Variants in HMGXB4 observed in about 807,000 individuals in gnomAD.
The protein encoded by HMGXB4 is HMG-box containing 4.
HMGXB4 carries 27 observed loss-of-function variants against 63.9 expected under a neutral mutation model. That is an observed-to-expected ratio of 0.42 (90% CI 0.31 to 0.58). HMGXB4 has a LOEUF of 0.58. Ranked by LOEUF, HMGXB4 falls within the 20% of genes least tolerant of loss-of-function variation. The probability of loss-of-function intolerance (pLI) is 0.13; values close to 1 mark genes in which losing one functional copy is unlikely to be tolerated. For missense variants in HMGXB4, 624 were observed against 700.7 expected, an observed-to-expected ratio of 0.89 and a Z score of 1.24; for synonymous variants, 264 against 265.3, an observed-to-expected ratio of 0.99 and a Z score of 0.05.
At chr22:35,256,346 T>A (rs1015779411), upstream of HMGXB4, among the ~76,000 whole-genome samples, 2 of 152,152 alleles carry the variant, frequency 1.3e-5, no homozygotes, top group African/African-American at 4.8e-5. Context: ...TGCATGGGGT[T>A]CACAACTCTA....
chr22:35,252,908 C>T (rs950434005), upstream of HMGXB4, among the ~76,000 whole-genome samples: 5 of 151,862 alleles, frequency 3.3e-5, no homozygotes, highest in Admixed American at 6.6e-5. Flanking sequence ...CTGAGGCAGG[C>T]GGATCACCTG....
chr22:35,292,962 A>G, intron 9 of HMGXB4, 30 bp from the exon 10 acceptor site: 1 of 1,614,086 alleles, frequency 6.2e-7, no homozygotes. Context: ...CAGGAGTGTG[A>G]CTCAAGCAAC....
intron 9 of HMGXB4, among the ~76,000 whole-genome samples, chr22:35,289,436 G>C (rs1485369264): frequency 6.6e-6 from 1 of 152,072 alleles, no homozygotes; most frequent in Non-Finnish European, 1.5e-5. Context: ...CTCCAGCCTG[G>C]GTGACAGAGC....
intron 5 of HMGXB4, among the ~76,000 whole-genome samples, chr22:35,282,822 G>T (rs1258059297): frequency 1.3e-5 from 2 of 152,118 alleles, no homozygotes; most frequent in Non-Finnish European, 2.9e-5. Context: ...TGAGAAATTT[G>T]GATAGATGAA....
intron 5 of HMGXB4, among the ~76,000 whole-genome samples, chr22:35,281,060 A>G (rs1415864941): frequency 1.3e-5 from 2 of 152,214 alleles, no homozygotes; most frequent in East Asian, 3.8e-4. Context: ...TACTCAGTAA[A>G]TATTATTAAT....
chr22:35,290,813 C>T (rs1924891825), intron 9 of HMGXB4, among the ~76,000 whole-genome samples: 1 of 151,862 alleles, frequency 6.6e-6, no homozygotes, highest in Admixed American at 6.6e-5. Flanking sequence ...CTTGTCTGTG[C>T]TTTTACAGTG....
chr22:35,248,294 G>A, the HMGXB4 span, among the ~76,000 whole-genome samples: 2 of 152,096 alleles, frequency 1.3e-5, no homozygotes, highest in Non-Finnish European at 2.9e-5. Flanking sequence ...GGCTTTACAG[G>A]AAGCATGCTG....
In HMGXB4 at chr22:35,279,699, T is replaced by TTTTTG. The variant is rs144948164; in HGVS notation, c.1216-4263_1216-4262insTTTTG. Among the ~76,000 whole-genome samples the TTTTTG allele has an allele frequency of 1.7e-3, 180 of 108,182 alleles. 11 individuals are homozygous for TTTTTG. Among genetic ancestry groups the TTTTTG allele is most frequent in the Non-Finnish European group, 2.5e-3 (128 of 50,332 alleles). The allele number at this position is 108,182 out of a possible 152,430, so 71.0% of individuals were successfully genotyped here. ...TTCCTTTTTTTTTTTTTTTTTTTTTTGGCATGTGGATATCCAATTGTCCCA... is the reference window on the plus strand; with the variant it reads ...TTCCTTTTTTTTTTTTTTTTTTTTTTTTTTGGGCATGTGGATATCCAATTGTCCCA... On this transcript the variant is annotated intron_variant, in intron 5 of 10. Coordinates refer to ENST00000216106, the MANE Select transcript of HMGXB4 (RefSeq NM_001003681.3).
intron 1 of HMGXB4, among the ~76,000 whole-genome samples, chr22:35,257,930 C>T (rs2146390433): frequency 6.6e-6 from 1 of 152,174 alleles, no homozygotes. Context: ...CGCGGGAACC[C>T]GGGTTCAGGT....
intron 9 of HMGXB4, among the ~76,000 whole-genome samples, chr22:35,291,185 C>A (rs1195162580): frequency 6.6e-6 from 1 of 152,212 alleles, no homozygotes; most frequent in Non-Finnish European, 1.5e-5. Context: ...ATCGCTTGAA[C>A]CGGGAGGTGG....
intron 5 of HMGXB4, 49 bp from the exon 6 acceptor site, chr22:35,283,913 C>T: frequency 7.2e-7 from 1 of 1,382,290 alleles, no homozygotes; most frequent in Non-Finnish European, 1.0e-6. Flanking sequence ...GTTACTAAAC[C>T]TGGGTTCTAA....
intron 5 of HMGXB4, among the ~76,000 whole-genome samples, chr22:35,278,877 C>CA (rs35984118): frequency 0.013 from 1,359 of 108,352 alleles, 24 homozygotes; most frequent in African/African-American, 0.056. Context: ...TGCATCTCTA[C>CA]AAAAAAAAAA....
intron 9 of HMGXB4, among the ~76,000 whole-genome samples, chr22:35,292,158 C>T (rs1423572031): frequency 6.6e-6 from 1 of 152,178 alleles, no homozygotes; most frequent in Non-Finnish European, 1.5e-5. Context: ...TTCATAATTA[C>T]TGATATTTTT....
chr22:35,265,128 C>G lies in HMGXB4; in HGVS notation c.740C>G (p.Thr247Arg). 6.2e-7 allele frequency: 1 copy of G among 1,614,104 alleles called. No homozygotes were observed. The highest frequency in any genetic ancestry group is 8.5e-7 in the Non-Finnish European group (1 of 1,180,024). The change falls in exon 5 of 11, where the codon ACA becomes AGA. Residue 247 changes from threonine (T) to arginine (R), a missense_variant. Thr to Arg is a moderately conservative substitution (Grantham distance 71). This residue lies in a region of HMGXB4 where 472 missense variants were observed against 470.6 expected (regional missense o/e 1.00). Transcript: ENST00000216106. ...CATGAGTTACAGAGCTTTCTGAAAA[C>G]AGCCCGGAAAAAGCACAAGTCATCC... Reference protein sequence around the residue: ...LGHELQSFLKTARKKHKSSSD... With the variant: ...LGHELQSFLKRARKKHKSSSD...
chr22:35,290,647 A>T (rs958299499), intron 9 of HMGXB4, among the ~76,000 whole-genome samples: 11 of 150,866 alleles, frequency 7.3e-5, no homozygotes, highest in Admixed American at 4.0e-4. Flanking sequence ...AAAAAAAAAA[A>T]AAAAAAGAAA....
the HMGXB4 span, among the ~76,000 whole-genome samples, chr22:35,248,483 C>T: frequency 2.7e-5 from 4 of 150,892 alleles, no homozygotes; most frequent in South Asian, 2.1e-4. Flanking sequence ...CACAGCTCAC[C>T]GTAGTCTACA....
Position 35,262,348 on chromosome 22 carries a change from C to A in HMGXB4, c.-43C>A. 6.2e-7 allele frequency: 1 copy of A among 1,603,416 alleles called. No individual in the cohort carries two copies. The highest frequency in any genetic ancestry group is 8.5e-7 in the Non-Finnish European group (1 of 1,170,174). On this transcript the variant is annotated 5_prime_UTR_variant, in exon 2 of 11. Transcript: ENST00000216106. ...ACCTGGTCCTGTAGACGGGAAGGAG[C>A]CTGGACACAGTGACACATTCTCAAA...
At chr22:35,293,290 G>GA (rs1443800068) in intron 10 of HMGXB4, among the ~76,000 whole-genome samples, 176 bp downstream of exon 10, 1 of 152,194 alleles carries the variant, frequency 6.6e-6, no homozygotes, top group Non-Finnish European at 1.5e-5. Context: ...ACTGAAACTA[G>GA]AAAACAAGCC....
In HMGXB4 at chr22:35,294,539, A is replaced by G. The variant is rs4821392; in HGVS notation, c.*888A>G. The stretch of plus-strand genomic sequence containing the variant: ...GCATGATTTTTGGGTTCATCTTATC[A>G]GTTCCCCTGGTGGGCAGATACACAG... On this transcript the variant is annotated 3_prime_UTR_variant, in exon 11 of 11. Coordinates refer to ENST00000216106, the MANE Select transcript of HMGXB4 (RefSeq NM_001003681.3). 0.51 allele frequency: 78,238 copies of G among 152,480 alleles called. 22,931 individuals are homozygous for G. Among genetic ancestry groups the G allele is most frequent in the Non-Finnish European group, 0.65 (44,269 of 67,964 alleles). The allele number at this position is 152,480 out of a possible 1,614,324, so 9.4% of individuals were successfully genotyped here. A position where few individuals can be genotyped will look rare whatever the true frequency, so the allele number is the denominator to read the frequency against.
Sources: allele counts gnomAD v4.1 joint callset (sites outside exome capture counted in the v4.1 genomes callset), GRCh38; gene constraint gnomAD v4.1.1; regional missense constraint gnomAD v4.1.1; transcripts MANE v1.5; gene names NCBI Gene and HGNC (gene_info 2026-07-23, HGNC 2026-07-21).